The following TRAPPC9 variants were observed in gnomAD, a reference collection of about 807,000 sequenced individuals.
TRAPPC9 encodes the protein trafficking protein particle complex subunit 9.
In TRAPPC9, 83 loss-of-function variants were observed where a neutral mutation model predicts 124.0. The ratio of observed to expected loss-of-function variants is 0.67; its 90% confidence interval spans 0.56 to 0.80. The LOEUF (loss-of-function observed/expected upper bound fraction) is 0.80. Among genes scored for constraint, TRAPPC9 ranks in the 30% least tolerant of loss-of-function variants. The pLI is 0.00. For missense variants in TRAPPC9, 1,302 were observed against 1,508.3 expected (o/e 0.86, Z 2.27); for synonymous variants, 638 against 617.5 (o/e 1.03, Z -0.49).
chr8:139,804,738 A>G, intron 21 of TRAPPC9, among the ~76,000 whole-genome samples: 1 of 132,170 alleles, frequency 7.6e-6, no homozygotes, highest in East Asian at 2.3e-4. Flanking sequence ...CACCACCACC[A>G]CCACCACCAA....
At chr8:140,070,170 G>T (rs1331658090) in intron 17 of TRAPPC9, among the ~76,000 whole-genome samples, 1 of 152,196 alleles carries the variant, frequency 6.6e-6, no homozygotes, top group Non-Finnish European at 1.5e-5. Flanking sequence ...ACCAGCACGA[G>T]GGGCACTGAA....
chr8:139,941,300 C>T (rs968239484), intron 19 of TRAPPC9, among the ~76,000 whole-genome samples: 1 of 152,216 alleles, frequency 6.6e-6, no homozygotes, highest in African/African-American at 2.4e-5. Flanking sequence ...CAACAGAGGC[C>T]GTCAGAGCAG....
chr8:140,281,230 G>C (rs2065312478), intron 14 of TRAPPC9, among the ~76,000 whole-genome samples: 1 of 152,194 alleles, frequency 6.6e-6, no homozygotes, highest in Non-Finnish European at 1.5e-5. Context: ...TTTCAAAAGG[G>C]ATGTCCCATC....
At chr8:140,025,565 C>CAAAAAA (rs11329773) in intron 17 of TRAPPC9, among the ~76,000 whole-genome samples, 1 of 123,848 alleles carries the variant, frequency 8.1e-6, no homozygotes, top group Admixed American at 8.2e-5. Context: ...AAGCAAAATG[C>CAAAAAA]AAAAAAAAAA....
rs1309391527 is a variant in TRAPPC9, at chr8:140,275,902, A to T, written c.2115-81T>A. On this transcript the variant is annotated intron_variant, in intron 14 of 22. Transcript: ENST00000438773. ...GAAAATTACTCACTTCCCAAAGAAG[A>T]ATCACCATACTCATGCATTTCAGAA... 4 of 1,156,334 alleles carry T rather than the reference A, an allele frequency of 3.5e-6. No individual in the cohort carries two copies. In the African/African-American group the frequency reaches 6.1e-5, roughly 18 times the overall value. 71.6% of individuals were successfully genotyped at this position (1,156,334 alleles called of 1,614,324 possible).
At chr8:139,901,892 CAG>C (rs1831043855) in intron 20 of TRAPPC9, among the ~76,000 whole-genome samples, 2 of 152,164 alleles carry the variant, frequency 1.3e-5, no homozygotes, top group Admixed American at 1.3e-4. Flanking sequence ...AAAACTACTT[CAG>C]AGAGTTGTTG....
chr8:140,390,168 A>G (rs1304596508), intron 7 of TRAPPC9, among the ~76,000 whole-genome samples: 1 of 152,088 alleles, frequency 6.6e-6, no homozygotes, highest in Admixed American at 6.5e-5. Flanking sequence ...GCCGGGCAGT[A>G]GTGGCGGGTG....
At chr8:140,368,006 C>A (rs1474231775) in intron 8 of TRAPPC9, among the ~76,000 whole-genome samples, 1 of 152,206 alleles carries the variant, frequency 6.6e-6, no homozygotes, top group Non-Finnish European at 1.5e-5. Context: ...TAAACCTCGT[C>A]TCAGAGCACA....
At chr8:140,195,471 AAAAC>A (rs2062628100) in intron 17 of TRAPPC9, among the ~76,000 whole-genome samples, 1 of 151,680 alleles carries the variant, frequency 6.6e-6, no homozygotes, top group Non-Finnish European at 1.5e-5. Context: ...CTGTGACACT[AAAAC>A]AATGATCCAC....
chr8:139,913,549 C>A (rs992482539), intron 19 of TRAPPC9, among the ~76,000 whole-genome samples: 24 of 152,330 alleles, frequency 1.6e-4, no homozygotes, highest in African/African-American at 5.8e-4. Flanking sequence ...GTTTGCAGAG[C>A]AGCATGGGAC....
intron 6 of TRAPPC9, among the ~76,000 whole-genome samples, chr8:140,400,647 C>T (rs1410545417): frequency 6.6e-6 from 1 of 152,164 alleles, no homozygotes; most frequent in Non-Finnish European, 1.5e-5. Flanking sequence ...TTTCATTCAA[C>T]TATGCAATAA....
intron 9 of TRAPPC9, among the ~76,000 whole-genome samples, chr8:140,342,609 A>T (rs2067225344): frequency 6.6e-6 from 1 of 152,156 alleles, no homozygotes; most frequent in Non-Finnish European, 1.5e-5. Context: ...ACAAACTCCC[A>T]CTGGGATTCC....
intron 19 of TRAPPC9, among the ~76,000 whole-genome samples, chr8:139,957,942 T>C (rs1389299587): frequency 1.3e-5 from 2 of 152,156 alleles, no homozygotes; most frequent in Non-Finnish European, 2.9e-5. Flanking sequence ...CTGCCAACCT[T>C]CCAGCTCCAC....
chr8:140,018,330 T>TCTTTTTTTTTTTTTTTTTTTC (rs201497168), intron 18 of TRAPPC9, among the ~76,000 whole-genome samples: 8 of 107,932 alleles, frequency 7.4e-5, no homozygotes, highest in African/African-American at 2.3e-4. Flanking sequence ...AGTGATTTTT[T>TCTTTTTTTTTTTTTTTTTTTC]TTTTTTTTTT....
At position 139,788,626 on chromosome 8, in the gene TRAPPC9, C is replaced by T. The variant is rs575300078; in HGVS notation, c.3056-56424G>A. On this transcript the variant is annotated intron_variant, in intron 21 of 22. Transcript: ENST00000438773. The surrounding 1 kb of genome is among the most constrained non-coding windows in gnomAD (Gnocchi z 4.9). ...GAAGAACGGTACCCACCCCCGCCCC[C>T]GTGTGAGATGCTGGCCCTGGGCACA... 2.8e-4 allele frequency among the ~76,000 whole-genome samples: 42 copies of T among 152,348 alleles called. No individual in the cohort carries two copies. Among genetic ancestry groups the T allele is most frequent in the African/African-American group, 9.6e-4 (40 of 41,592 alleles).
intron 17 of TRAPPC9, among the ~76,000 whole-genome samples, chr8:140,081,475 AG>A (rs1443450612): frequency 6.6e-6 from 1 of 151,008 alleles, no homozygotes; most frequent in Admixed American, 6.6e-5. Context: ...CCTCCTAAGT[AG>A]CTGGAATTAC....
At chr8:140,366,438 G>T (rs377201567) in intron 8 of TRAPPC9, among the ~76,000 whole-genome samples, 2 of 152,256 alleles carry the variant, frequency 1.3e-5, no homozygotes, top group East Asian at 3.9e-4. Context: ...ATAGTCAACT[G>T]GTCTTTGACA....
chr8:140,095,074 CTT>C (rs1311736700), intron 17 of TRAPPC9: 1 of 152,254 alleles, frequency 6.6e-6, no homozygotes, highest in Non-Finnish European at 1.5e-5. Flanking sequence ...CACAGGGTCT[CTT>C]CTTTCCAAAC....
chr8:140,226,381 C>A (rs1202990514), intron 16 of TRAPPC9, among the ~76,000 whole-genome samples: 1 of 152,036 alleles, frequency 6.6e-6, no homozygotes, highest in Non-Finnish European at 1.5e-5. Flanking sequence ...CACTTCAGGT[C>A]AGGAGTTTAA....
Sources: gnomAD v4.1 joint callset for allele counts (sites outside exome capture counted in the v4.1 genomes callset) on GRCh38, gnomAD v4.1.1 for gene constraint, Gnocchi (gnomAD v3.1) non-coding constraint, MANE v1.5 for transcripts, NCBI Gene and HGNC (gene_info 2026-07-23, HGNC 2026-07-21) for gene names.